PITPNM3: variants seen among roughly 807,000 people sequenced by gnomAD.
The protein encoded by PITPNM3 is membrane-associated phosphatidylinositol transfer protein 3.
A neutral mutation model predicts 102.0 loss-of-function variants in PITPNM3; 26 were observed. The observed-to-expected ratio is 0.25, with a 90% CI of 0.19 to 0.35. PITPNM3 has a LOEUF of 0.35. Among genes scored for constraint, PITPNM3 ranks in the 10% least tolerant of loss-of-function variants. The probability of loss-of-function intolerance (pLI) is 1.00; values close to 1 mark genes in which losing one functional copy is unlikely to be tolerated. For missense variants in PITPNM3, 1,083 were observed against 1,346.1 expected, an observed-to-expected ratio of 0.80 and a Z score of 3.06; for synonymous variants, 578 against 558.6, an observed-to-expected ratio of 1.03 and a Z score of -0.49.
At chr17:6,493,854 G>C (rs920808790) in intron 4 of PITPNM3, among the ~76,000 whole-genome samples, 1 of 152,248 alleles carries the variant, frequency 6.6e-6, no homozygotes, top group African/African-American at 2.4e-5. Context: ...AGTGAACACG[G>C]GGTTAGTTCG....
Position 6,458,594 on chromosome 17 carries a change from G to C in PITPNM3, c.2491-872C>G, listed in dbSNP as rs1008476912. Among the ~76,000 whole-genome samples, 1 of 151,852 alleles carries C rather than the reference G, an allele frequency of 6.6e-6. No homozygotes were observed. The highest frequency in any genetic ancestry group is 2.4e-5 in the African/African-American group (1 of 41,314). On this transcript the variant is annotated intron_variant, in intron 18 of 19. Transcript: ENST00000262483. The surrounding 1 kb of genome is among the most constrained non-coding windows in gnomAD (Gnocchi z 5.1). ...TCTAACTGTGAACTTCCACATGTCC[G>C]CTCCGCTCAGGGCTTCTGCCCCCTC... is the stretch of plus-strand genomic sequence containing the variant.
At position 6,478,778 on chromosome 17, in the gene PITPNM3, C is replaced by T. The variant is rs1300846608; in HGVS notation, c.588-42G>A. The stretch of plus-strand genomic sequence containing the variant: ...CAAGGTGAGCCCAGCCAGGATCGGG[C>T]AGGTTGGCAGGTTTGGGGCTGAGGA... On this transcript the variant is annotated intron_variant, in intron 6 of 19. Coordinates refer to ENST00000262483, the MANE Select transcript of PITPNM3 (RefSeq NM_031220.4). This position sits in a 1 kb window ranked among gnomAD's most constrained non-coding sequence, Gnocchi z 4.4. 2 of 1,519,920 alleles carry T rather than the reference C, an allele frequency of 1.3e-6. No homozygotes were observed. The highest frequency in any genetic ancestry group is 1.2e-5 in the South Asian group (1 of 81,362). 94.2% of individuals were successfully genotyped at this position (1,519,920 alleles called of 1,614,324 possible).
chr17:6,536,891 T>C (rs991077828), intron 2 of PITPNM3, among the ~76,000 whole-genome samples: 2 of 152,210 alleles, frequency 1.3e-5, no homozygotes, highest in Non-Finnish European at 2.9e-5. Flanking sequence ...GGGACTGTCC[T>C]GGGCTGTGGA....
chr17:6,534,002 G>A (rs4796511), intron 2 of PITPNM3, among the ~76,000 whole-genome samples: 117,181 of 151,704 alleles, frequency 0.77, 45,759 homozygotes, highest in African/African-American at 0.89. Context: ...CCCAGCCTCC[G>A]TTTCCCAGCT....
At chr17:6,486,184 T>A (rs1020708497) in intron 4 of PITPNM3, among the ~76,000 whole-genome samples, 1 of 152,094 alleles carries the variant, frequency 6.6e-6, no homozygotes, top group African/African-American at 2.4e-5. Flanking sequence ...TCCTCCCCCA[T>A]GAGATGGATG....
At chr17:6,500,456 C>G (rs1237544030) in intron 4 of PITPNM3, among the ~76,000 whole-genome samples, 1 of 152,080 alleles carries the variant, frequency 6.6e-6, no homozygotes, top group Non-Finnish European at 1.5e-5. Flanking sequence ...CATTTTAATG[C>G]CAAAACTGGG....
chr17:6,478,223 G>T lies in PITPNM3; in HGVS notation c.778-126C>A. 1 of 1,482,136 alleles carries T rather than the reference G, an allele frequency of 6.7e-7. No homozygotes were observed. The highest frequency in any genetic ancestry group is 9.1e-7 in the Non-Finnish European group (1 of 1,095,182). 91.8% of individuals were successfully genotyped at this position (1,482,136 alleles called of 1,614,324 possible). On this transcript the variant is annotated intron_variant, in intron 7 of 19. Coordinates refer to ENST00000262483, the MANE Select transcript of PITPNM3 (RefSeq NM_031220.4). The surrounding 1 kb of genome is among the most constrained non-coding windows in gnomAD (Gnocchi z 4.4). ...CTCGTCCTTGGGAGGTGTTGAGAGA[G>T]CCCAACTGGGAAGCAGTGTGCAAAC...
intron 1 of PITPNM3, among the ~76,000 whole-genome samples, chr17:6,552,726 C>T (rs1477754583): frequency 6.6e-6 from 1 of 152,070 alleles, no homozygotes; most frequent in Non-Finnish European, 1.5e-5. Flanking sequence ...GCCACTACCC[C>T]CACCTGGAAG....
chr17:6,547,843 C>T (rs1910106706), intron 1 of PITPNM3, among the ~76,000 whole-genome samples: 1 of 152,084 alleles, frequency 6.6e-6, no homozygotes, highest in Non-Finnish European at 1.5e-5. Context: ...TCTCTCCTGC[C>T]TCAGCCTCCC....
chr17:6,545,609 G>A (rs72830334), intron 1 of PITPNM3, among the ~76,000 whole-genome samples: 19,976 of 152,182 alleles, frequency 0.13, 1,567 homozygotes, highest in African/African-American at 0.21. Context: ...TTCACACCAC[G>A]CTCCTCTTCC....
intron 4 of PITPNM3, among the ~76,000 whole-genome samples, chr17:6,492,223 C>T (rs1035736275): frequency 4.6e-5 from 7 of 151,992 alleles, no homozygotes; most frequent in South Asian, 4.2e-4. Flanking sequence ...CCCCACCATG[C>T]CCAGCTAATT....
intron 3 of PITPNM3, among the ~76,000 whole-genome samples, chr17:6,508,358 T>C (rs1907668885): frequency 6.6e-6 from 1 of 152,214 alleles, no homozygotes; most frequent in African/African-American, 2.4e-5. Flanking sequence ...TCCATGCCTA[T>C]GCAATAAGGC....
At chr17:6,547,979 C>T (rs1300378648) in intron 1 of PITPNM3, among the ~76,000 whole-genome samples, 3 of 152,076 alleles carry the variant, frequency 2.0e-5, no homozygotes, top group East Asian at 1.9e-4. Flanking sequence ...CCACCTGCCT[C>T]GGCCTCCCAA....
At position 6,484,219 on chromosome 17, in the gene PITPNM3, G is replaced by C. The variant is rs368779193; in HGVS notation, c.348C>G (p.Ser116Arg). 61 of 1,606,716 alleles carry C rather than the reference G, an allele frequency of 3.8e-5. No homozygotes were observed. Among genetic ancestry groups the C allele is most frequent in the Non-Finnish European group, 5.1e-6 (6 of 1,173,524 alleles). ...CACCCTCCGAAGCCCAGCCTACCTC[G>C]CTGTCTTCGTGGATCTCGATGCTTC... The part of the protein sequence containing the change: ...AQGSIEIHED[S>R]EEGCPQRSCK... Residue 116 changes from serine (S) to arginine (R), a missense_variant, in exon 5 of 20, where the codon AGC (serine) becomes AGG (arginine). Physicochemically the swap from Ser to Arg is moderately radical, Grantham distance 110 (BLOSUM62 -1). Around this residue, in one of 5 missense-constraint regions of PITPNM3, gnomAD observed 290 missense variants for 337.8 expected, o/e 0.86. Transcript: ENST00000262483.
chr17:6,537,869 G>T lies in PITPNM3; in HGVS notation c.118+118C>A. 1 of 834,604 alleles carries T rather than the reference G, an allele frequency of 1.2e-6. No individual in the cohort carries two copies. Among genetic ancestry groups the T allele is most frequent in the Non-Finnish European group, 2.0e-6 (1 of 493,094 alleles). The allele number at this position is 834,604 out of a possible 1,614,324, so 51.7% of individuals were successfully genotyped here. On this transcript the variant is annotated intron_variant, in intron 2 of 19. Transcript: ENST00000262483. This position sits in a 1 kb window ranked among gnomAD's most constrained non-coding sequence, Gnocchi z 4.4. ...TCCACAGGATGGGTAAGTATGGAGT[G>T]TGGAGCTGCAGATACCACGTCTGAG...
At chr17:6,465,382 C>A (rs1042467789) in intron 14 of PITPNM3, among the ~76,000 whole-genome samples, 1 of 152,238 alleles carries the variant, frequency 6.6e-6, no homozygotes, top group Non-Finnish European at 1.5e-5. Flanking sequence ...CCTGAGGGGA[C>A]AACTGGCCTC....
At position 6,464,654 on chromosome 17, in the gene PITPNM3, C is replaced by G; in HGVS notation, c.2007+1G>C. The G allele has an allele frequency of 1.2e-6, 2 of 1,613,384 alleles. No individual in the cohort carries two copies. The highest frequency in any genetic ancestry group is 8.5e-7 in the Non-Finnish European group (1 of 1,179,408). ...AGGAGGGGAGGCCCAGCCCCAGGTA[C>G]CTTCTCTCCAGTCAGAGCCACCATG... On this transcript the variant is annotated splice_donor_variant, in intron 15 of 19. Transcript: ENST00000262483. LOFTEE classifies it high-confidence loss of function.
intron 2 of PITPNM3, among the ~76,000 whole-genome samples, chr17:6,536,446 T>G (rs2150662845): frequency 6.6e-6 from 1 of 152,294 alleles, no homozygotes; most frequent in African/African-American, 2.4e-5. Flanking sequence ...ATGGAGAAAT[T>G]CAGCCCCAGC....
chr17:6,553,640 A>G (rs929378297), intron 1 of PITPNM3, among the ~76,000 whole-genome samples: 4 of 152,170 alleles, frequency 2.6e-5, no homozygotes, highest in Non-Finnish European at 4.4e-5. Flanking sequence ...GCCAGATTTT[A>G]AAGGGAACAT....
Sources: allele counts gnomAD v4.1 joint callset (sites outside exome capture counted in the v4.1 genomes callset), GRCh38; gene constraint gnomAD v4.1.1; regional missense constraint gnomAD v4.1.1; non-coding constraint Gnocchi (gnomAD v3.1); transcripts MANE v1.5; gene names NCBI Gene and HGNC (gene_info 2026-07-23, HGNC 2026-07-21).